Variants in CCDC22 observed in about 807,000 individuals in gnomAD.
CCDC22 encodes coiled-coil domain-containing protein 22.
In CCDC22, 4 loss-of-function variants were observed where a neutral mutation model predicts 53.1. That is an observed-to-expected ratio of 0.08 (90% CI 0.04 to 0.17). The LOEUF (loss-of-function observed/expected upper bound fraction) is 0.17. Among genes scored for constraint, CCDC22 ranks in the 10% least tolerant of loss-of-function variants. CCDC22 has a pLI of 1.00. For missense variants in CCDC22, 458 were observed against 554.0 expected (o/e 0.83, Z 1.74); for synonymous variants, 222 against 224.4 (o/e 0.99, Z 0.10).
chrX:49,246,620 G>T (rs1317570764), intron 6 of CCDC22, 111 bp from the exon 7 acceptor site: 1 of 624,972 alleles, frequency 1.6e-6, no homozygotes, highest in East Asian at 3.8e-5. Flanking sequence ...AGGCTGGAGG[G>T]TGGGGGTGAC....
rs782620684 is a variant in CCDC22 at position 49,239,069 on chromosome X, C to T, written c.228+1806C>T. On this transcript the variant is annotated intron_variant, in intron 2 of 16. Transcript: ENST00000376227. ...CGGCTTACTGCAACCTCCTCCGCCT[C>T]CTGGGTTCCAGCAATTCTCCTGCCT... Among the ~76,000 whole-genome samples the T allele has an allele frequency of 8.1e-5, 9 of 111,427 alleles. No homozygotes were observed. In the East Asian group the frequency reaches 2.5e-3, roughly 31 times the overall value.
At position 49,248,278 on chromosome X, in the gene CCDC22, C is replaced by T; in HGVS notation, c.1180C>T (p.Pro394Ser). 1 of 1,204,047 alleles carries T rather than the reference C, an allele frequency of 8.3e-7. No individual in the cohort carries two copies. The highest frequency in any genetic ancestry group is 1.1e-6 in the Non-Finnish European group (1 of 893,773). The change falls in exon 10 of 17, where the codon CCC (proline) becomes TCC (serine). Residue 394 changes from proline to serine, a missense_variant. Pro to Ser is a moderately conservative substitution (Grantham distance 74). This residue lies in a region of CCDC22 where 309 missense variants were observed against 312.3 expected (regional missense o/e 0.99). Transcript: ENST00000376227. The part of the protein sequence containing the change: ...RLKSRAVELL[P>S]DGTANLAKLQ... ...GAAGAGCCGCGCGGTGGAGCTGCTG[C>T]CCGATGGGACTGCCAACCTTGCCAA... is the stretch of plus-strand genomic sequence containing the variant.
At chrX:49,245,784 T>G (rs1048879078) in intron 6 of CCDC22, among the ~76,000 whole-genome samples, 1 of 112,347 alleles carries the variant, frequency 8.9e-6, no homozygotes, top group Admixed American at 9.4e-5. Flanking sequence ...CTCTCCCAAC[T>G]TTTTCTTTGT....
chrX:49,249,710 A>G lies in CCDC22; in HGVS notation c.1755A>G (p.Arg585=), dbSNP rs782262443. 1.4e-5 allele frequency: 17 copies of G among 1,206,600 alleles called. No individual in the cohort carries two copies. Among genetic ancestry groups the G allele is most frequent in the Non-Finnish European group, 5.6e-6 (5 of 893,470 alleles). ...EDTGTIMREV[R]DLEEQIETEL... ...CAGGCACCATCATGCGGGAGGTTCG[A>G]GACCTCGAGGAGCAGGTGAGGCCTG... The change falls in exon 16 of 17, where the codon CGA becomes CGG. Residue 585 remains arginine, a synonymous_variant. Coordinates refer to ENST00000376227, the MANE Select transcript of CCDC22 (RefSeq NM_014008.5).
chrX:49,237,291 A>T, intron 2 of CCDC22, 28 bp downstream of exon 2: 1 of 1,156,893 alleles, frequency 8.6e-7, no homozygotes, highest in Non-Finnish European at 1.2e-6. Flanking sequence ...TAATGCACAC[A>T]TCCTCTTTCT....
At chrX:49,241,889 T>C in intron 2 of CCDC22, 127 bp from the exon 3 acceptor site, 2 of 703,295 alleles carry the variant, frequency 2.8e-6, no homozygotes, top group Non-Finnish European at 2.2e-6. Context: ...CCAGAGGCCT[T>C]GGGGAGCTGG....
rs782071314 is a variant in CCDC22, at chrX:49,248,041, G to A, written c.1093-150G>A. 25 of 1,041,509 alleles carry A rather than the reference G, an allele frequency of 2.4e-5. No homozygotes were observed. The East Asian group carries it at 6.8e-4, about 28-fold the overall frequency. The allele number at this position is 1,041,509 out of a possible 1,213,427, so 85.8% of individuals were successfully genotyped here. A position where few individuals can be genotyped will look rare whatever the true frequency, so the allele number is the denominator to read the frequency against. ...CTGTGGGCATCTGTGGGGTACCCAC[G>A]GGTCTGCATGGACAGGGGATTAGGG... On this transcript the variant is annotated intron_variant, in intron 9 of 16. Coordinates refer to ENST00000376227, the MANE Select transcript of CCDC22 (RefSeq NM_014008.5).
At chrX:49,249,615 G>GC in intron 15 of CCDC22, 36 bp from the exon 16 acceptor site, 6 of 406,746 alleles carry the variant, frequency 1.5e-5, no homozygotes, top group East Asian at 7.5e-5. Flanking sequence ...GGGTGGGTGG[G>GC]ACTGGGTGCA....
chrX:49,238,272 G>A (rs1439161585), intron 2 of CCDC22, among the ~76,000 whole-genome samples: 7 of 109,957 alleles, frequency 6.4e-5, no homozygotes, highest in Non-Finnish European at 1.3e-4. Context: ...GTACAGACGG[G>A]GTTTCACTAT....
intron 7 of CCDC22, 161 bp downstream of exon 7, chrX:49,247,086 T>G (rs1557114347): frequency 2.1e-6 from 1 of 480,126 alleles, no homozygotes; most frequent in Non-Finnish European, 3.6e-6. Context: ...GTCCCCTAGC[T>G]TATTAGGGAC....
At chrX:49,250,063 C>G (rs939337428) in intron 16 of CCDC22, 85 bp from the exon 17 acceptor site, 21 of 573,910 alleles carry the variant, frequency 3.7e-5, no homozygotes, top group Non-Finnish European at 6.2e-5. Context: ...GGGAGGGGCC[C>G]AGAGTGGCTG....
At position 49,248,936 on chromosome X, in the gene CCDC22, G is replaced by C; in HGVS notation, c.1539+12G>C. 1 of 1,204,180 alleles carries C rather than the reference G, an allele frequency of 8.3e-7. No homozygotes were observed. Among genetic ancestry groups the C allele is most frequent in the Non-Finnish European group, 1.1e-6 (1 of 891,770 alleles). Reference sequence around the variant, plus strand: ...AAGAGATCACCAAGGTACACTGCCAGGGCCATGGAGGGTGGGTCATGTGGG... The same window carrying C: ...AAGAGATCACCAAGGTACACTGCCACGGCCATGGAGGGTGGGTCATGTGGG... On this transcript the variant is annotated intron_variant, in intron 13 of 16. Coordinates refer to ENST00000376227, the MANE Select transcript of CCDC22 (RefSeq NM_014008.5).
intron 15 of CCDC22, 36 bp from the exon 16 acceptor site, chrX:49,249,615 G>GGGC: frequency 4.9e-6 from 2 of 406,810 alleles, no homozygotes; most frequent in Non-Finnish European, 9.0e-6. Flanking sequence ...GGGTGGGTGG[G>GGGC]ACTGGGTGCA....
At chrX:49,240,126 G>A (rs112297943) in intron 2 of CCDC22, among the ~76,000 whole-genome samples, 19 of 108,169 alleles carry the variant, frequency 1.8e-4, no homozygotes, top group Non-Finnish European at 3.3e-4. Flanking sequence ...GGTGGCACAC[G>A]CCTGTGGTCC....
At chrX:49,242,474 C>T (rs1489710931) in intron 3 of CCDC22, 6 of 206,210 alleles carry the variant, frequency 2.9e-5, no homozygotes, top group Non-Finnish European at 3.6e-5. Flanking sequence ...AGTACACTCC[C>T]GCCTCTGCAC....
At chrX:49,241,867 TC>T in intron 2 of CCDC22, 148 bp from the exon 3 acceptor site, 4 of 531,032 alleles carry the variant, frequency 7.5e-6, no homozygotes, top group Non-Finnish European at 1.3e-5. Context: ...ACTCTGTGAC[TC>T]CCCCCAGGGC....
intron 2 of CCDC22, 147 bp from the exon 3 acceptor site, chrX:49,241,869 C>A (rs1557113401): frequency 1.8e-6 from 1 of 540,610 alleles, no homozygotes; most frequent in Non-Finnish European, 3.1e-6. Context: ...TCTGTGACTC[C>A]CCCCAGGGCC....
At position 49,235,669 on chromosome X, in the gene CCDC22, G is replaced by T. The variant is rs377350514; in HGVS notation, c.33G>T (p.Ser11=). MEEADRILIH[S]LRQAGTAVPP... ...AGGCGGACCGAATCCTCATCCATTC[G>T]CTGCGCCAGGCCGGCACGTAAGGAC... The change falls in exon 1 of 17, where the codon TCG becomes TCT. Residue 11 remains serine (S), a synonymous_variant. Coordinates refer to ENST00000376227, the MANE Select transcript of CCDC22 (RefSeq NM_014008.5). The T allele has an allele frequency of 8.4e-7, 1 of 1,185,743 alleles. No individual in the cohort carries two copies. The highest frequency in any genetic ancestry group is 1.1e-6 in the Non-Finnish European group (1 of 882,769).
chrX:49,248,563 G>T, intron 11 of CCDC22, 40 bp downstream of exon 11: 2 of 1,198,088 alleles, frequency 1.7e-6, no homozygotes, highest in Non-Finnish European at 1.1e-6. Context: ...GGCCAGGGCA[G>T]GCTCGGTCCC....
Sources: gnomAD v4.1 joint callset for allele counts (sites outside exome capture counted in the v4.1 genomes callset) on GRCh38, gnomAD v4.1.1 for gene constraint, gnomAD v4.1.1 regional missense constraint, MANE v1.5 for transcripts, NCBI Gene and HGNC (gene_info 2026-07-23, HGNC 2026-07-21) for gene names.